Variants in TMC1 observed in about 807,000 individuals in gnomAD.
The protein encoded by TMC1 is transmembrane channel like 1, also known as transmembrane channel-like protein 1.
TMC1 carries 84 observed loss-of-function variants against 105.8 expected under a neutral mutation model. The observed-to-expected ratio is 0.79, with a 90% CI of 0.67 to 0.95. The LOEUF (loss-of-function observed/expected upper bound fraction) is 0.95, where lower values mean the gene tolerates loss of function less well. TMC1 is among the 40% of genes least tolerant of loss of function. The probability of loss-of-function intolerance (pLI) is 0.00; values close to 1 mark genes in which losing one functional copy is unlikely to be tolerated. For synonymous variants in TMC1, 315 were observed against 311.5 expected, an observed-to-expected ratio of 1.01 and a Z score of -0.12; for missense variants, 817 against 914.1, an observed-to-expected ratio of 0.89 and a Z score of 1.37.
At chr9:72,662,548 A>T (rs980133258) in intron 5 of TMC1, among the ~76,000 whole-genome samples, 1 of 151,764 alleles carries the variant, frequency 6.6e-6, no homozygotes, top group African/African-American at 2.4e-5. Flanking sequence ...CTGCCCTGGG[A>T]GCCATTCTGT....
chr9:72,777,002 G>A (rs976553867), intron 13 of TMC1, among the ~76,000 whole-genome samples: 2 of 151,556 alleles, frequency 1.3e-5, no homozygotes, highest in East Asian at 1.9e-4. Flanking sequence ...GTGACCAAAC[G>A]TTTTGTTAAA....
intron 17 of TMC1, among the ~76,000 whole-genome samples, chr9:72,802,325 G>A (rs1009186110): frequency 6.6e-6 from 1 of 152,026 alleles, no homozygotes; most frequent in African/African-American, 2.4e-5. Flanking sequence ...ACAAAGAGTA[G>A]GAAGGAGAAA....
intron 1 of TMC1, among the ~76,000 whole-genome samples, chr9:72,541,517 G>A (rs191650631): frequency 6.6e-5 from 10 of 152,082 alleles, no homozygotes; most frequent in Non-Finnish European, 1.3e-4. Flanking sequence ...ATGAAACCCC[G>A]TCTGTACTAA....
intron 1 of TMC1, among the ~76,000 whole-genome samples, chr9:72,553,556 C>G (rs1823888996): frequency 6.6e-6 from 1 of 152,136 alleles, no homozygotes; most frequent in Non-Finnish European, 1.5e-5. Flanking sequence ...GAAGAGAAAG[C>G]AGAATTATAC....
At chr9:72,616,562 T>C (rs1825133701) in intron 3 of TMC1, 85 bp downstream of exon 3, 1 of 148,708 alleles carries the variant, frequency 6.7e-6, no homozygotes, top group Non-Finnish European at 1.5e-5. Context: ...AGTACTAATG[T>C]ACAATCAAGG....
intron 2 of TMC1, among the ~76,000 whole-genome samples, chr9:72,593,544 C>A (rs532376151): frequency 4.4e-4 from 64 of 144,320 alleles, no homozygotes; most frequent in African/African-American, 1.7e-3. Flanking sequence ...AGGCATGCAC[C>A]ACCACACCTG....
intron 1 of TMC1, among the ~76,000 whole-genome samples, chr9:72,570,676 C>CTTTTTT (rs529953890): frequency 7.9e-5 from 6 of 75,648 alleles, no homozygotes; most frequent in Admixed American, 2.0e-4. Flanking sequence ...GCCAAATTTC[C>CTTTTTT]TTTTTTTTTT....
At chr9:72,754,394 C>G (rs1263052046) in intron 11 of TMC1, among the ~76,000 whole-genome samples, 2 of 152,158 alleles carry the variant, frequency 1.3e-5, no homozygotes, top group South Asian at 2.1e-4. Context: ...CACCCTCACT[C>G]CTAAGGGGTA....
intron 2 of TMC1, among the ~76,000 whole-genome samples, chr9:72,611,061 T>G (rs1346061237): frequency 6.6e-6 from 1 of 152,252 alleles, no homozygotes; most frequent in Non-Finnish European, 1.5e-5. Context: ...AAGAAGATTT[T>G]GGATGGGAAC....
chr9:72,625,612 C>T (rs1284682588), intron 3 of TMC1, among the ~76,000 whole-genome samples: 1 of 150,420 alleles, frequency 6.6e-6, no homozygotes, highest in African/African-American at 2.5e-5. Context: ...GGCGTGAACC[C>T]AGGAGGCGGA....
At chr9:72,799,469 A>G (rs1295912856) in intron 17 of TMC1, among the ~76,000 whole-genome samples, 1 of 152,150 alleles carries the variant, frequency 6.6e-6, no homozygotes, top group African/African-American at 2.4e-5. Flanking sequence ...GTGAAAGAAA[A>G]AAATAAGATA....
intron 20 of TMC1, among the ~76,000 whole-genome samples, chr9:72,824,356 G>A (rs947557811): frequency 7.2e-5 from 11 of 152,242 alleles, no homozygotes; most frequent in Non-Finnish European, 1.3e-4. Context: ...GAGGGCAAAG[G>A]GCCAGTGTGA....
At chr9:72,624,768 A>C (rs1286930587) in intron 3 of TMC1, among the ~76,000 whole-genome samples, 1 of 152,126 alleles carries the variant, frequency 6.6e-6, no homozygotes, top group African/African-American at 2.4e-5. Context: ...AGCTGCTCAA[A>C]CTCATAACTC....
intron 17 of TMC1, among the ~76,000 whole-genome samples, chr9:72,800,131 T>A (rs1828445378): frequency 6.6e-6 from 1 of 152,154 alleles, no homozygotes; most frequent in Non-Finnish European, 1.5e-5. Flanking sequence ...AACCACTACA[T>A]TTATGGCAAT....
chr9:72,649,637 AAAC>A (rs1279440990), intron 5 of TMC1, among the ~76,000 whole-genome samples: 1 of 152,182 alleles, frequency 6.6e-6, no homozygotes, highest in Non-Finnish European at 1.5e-5. Context: ...AACAAAAACA[AAAC>A]AACCACTTCT....
intron 1 of TMC1, among the ~76,000 whole-genome samples, chr9:72,562,686 A>T (rs2132080996): frequency 6.7e-6 from 1 of 149,738 alleles, no homozygotes; most frequent in African/African-American, 2.5e-5. Context: ...TGTCAATTAA[A>T]TTTTTTTTAA....
At position 72,689,460 on chromosome 9, in the gene TMC1, A is replaced by C. The variant is rs539689661; in HGVS notation, c.64+704A>C. On this transcript the variant is annotated intron_variant, in intron 6 of 23. Transcript: ENST00000297784. ...TGTATATGTCTGCTAGGTCTGTTTG[A>C]TCTATAATGTTGTTCATGACTGCTG... Among the ~76,000 whole-genome samples the C allele has an allele frequency of 3.9e-4, 60 of 152,116 alleles. 2 individuals carry two copies. Among genetic ancestry groups the C allele is most frequent in the Middle Eastern group, 3.4e-3 (1 of 292 alleles).
intron 7 of TMC1, 102 bp from the exon 8 acceptor site, chr9:72,700,416 C>A: frequency 1.0e-6 from 1 of 967,872 alleles, no homozygotes; most frequent in Non-Finnish European, 1.5e-6. Context: ...CATATGGTTA[C>A]ATTTAAAAAA....
chr9:72,529,423 T>C (rs936142183), intron 1 of TMC1, among the ~76,000 whole-genome samples: 4 of 152,120 alleles, frequency 2.6e-5, no homozygotes, highest in African/African-American at 9.7e-5. Flanking sequence ...GCACACTAGC[T>C]CGGGCAACAT....
Sources: allele counts gnomAD v4.1 joint callset (sites outside exome capture counted in the v4.1 genomes callset), GRCh38; gene constraint gnomAD v4.1.1; transcripts MANE v1.5; gene names NCBI Gene and HGNC (gene_info 2026-07-23, HGNC 2026-07-21).